KANSL1L: variants seen among roughly 807,000 people sequenced by gnomAD.
KANSL1L encodes KAT8 regulatory NSL complex subunit 1-like protein.
In KANSL1L, 25 loss-of-function variants were observed where a neutral mutation model predicts 108.6. The ratio of observed to expected loss-of-function variants is 0.23; its 90% CI spans 0.17 to 0.32. The LOEUF is 0.32. Ranked by LOEUF, KANSL1L falls within the 10% of genes least tolerant of loss-of-function variation. The pLI, the probability that KANSL1L is intolerant of heterozygous loss-of-function variation, is 1.00. For missense variants in KANSL1L, 1,137 were observed against 1,125.7 expected (o/e 1.01, Z -0.14); for synonymous variants, 405 against 395.1 (o/e 1.03, Z -0.30).
rs1451904582 is a variant in KANSL1L at position 210,044,606 on chromosome 2, G to C, written c.1756-502C>G. 6.6e-6 allele frequency among the ~76,000 whole-genome samples: 1 copy of C among 150,826 alleles called. No homozygotes were observed. Among genetic ancestry groups the C allele is most frequent in the Non-Finnish European group, 1.5e-5 (1 of 67,796 alleles). Reference sequence around the variant, plus strand: ...CAGGGTTTGTTTTTTTTTGGGGGGGGTATGGTTCTTTATCAGAATATATTC... The same window carrying C: ...CAGGGTTTGTTTTTTTTTGGGGGGGCTATGGTTCTTTATCAGAATATATTC... On this transcript the variant is annotated intron_variant, in intron 6 of 14. Coordinates refer to ENST00000281772, the MANE Select transcript of KANSL1L (RefSeq NM_152519.4). This position sits in a 1 kb window ranked among gnomAD's most constrained non-coding sequence, Gnocchi z 4.2.
At chr2:210,082,222 G>A (rs1313858715) in intron 5 of KANSL1L, among the ~76,000 whole-genome samples, 2 of 152,190 alleles carry the variant, frequency 1.3e-5, no homozygotes, top group African/African-American at 2.4e-5. Context: ...ATGAAATACT[G>A]TAATGCTGAT....
chr2:210,051,082 A>G (rs2094288055), intron 6 of KANSL1L, among the ~76,000 whole-genome samples: 1 of 152,128 alleles, frequency 6.6e-6, no homozygotes, highest in Non-Finnish European at 1.5e-5. Flanking sequence ...TGGCAGGAGG[A>G]TCACTTGAGC....
chr2:210,036,961 T>A (rs1168885971), intron 8 of KANSL1L, among the ~76,000 whole-genome samples: 1 of 151,452 alleles, frequency 6.6e-6, no homozygotes, highest in Non-Finnish European at 1.5e-5. Flanking sequence ...TTCACTATAT[T>A]TCCCAGGCTG....
chr2:210,029,127 AT>A lies in KANSL1L; in HGVS notation c.2272-159del, dbSNP rs1419978160. ...TAAAAAATGTTAAGAAAACCAAAAA[AT>A]AAAACATTTTTCTATCTTTTGTAAA... On this transcript the variant is annotated intron_variant, in intron 10 of 14. Transcript: ENST00000281772. 3 of 572,670 alleles carry A rather than the reference AT, an allele frequency of 5.2e-6. No individual in the cohort carries two copies. The East Asian group carries it at 9.9e-5, about 19-fold the overall frequency. The allele number at this position is 572,670 out of a possible 1,614,324, so 35.5% of individuals were successfully genotyped here.
intron 1 of KANSL1L, 51 bp from the exon 2 acceptor site, chr2:210,154,662 C>G: frequency 8.3e-7 from 1 of 1,203,156 alleles, no homozygotes; most frequent in South Asian, 2.8e-5. Flanking sequence ...AAATTTTATG[C>G]TTATACTTTT....
At chr2:210,063,486 A>T (rs933174251) in intron 6 of KANSL1L, among the ~76,000 whole-genome samples, 1 of 152,220 alleles carries the variant, frequency 6.6e-6, no homozygotes, top group Non-Finnish European at 1.5e-5. Context: ...AGCTGCAGAC[A>T]CTAGACGCCA....
chr2:210,096,758 TC>T, intron 5 of KANSL1L: 1 of 955,970 alleles, frequency 1.0e-6, no homozygotes, highest in Non-Finnish European at 1.2e-6. Context: ...ACATGTTTTA[TC>T]ACTGATATGA....
At chr2:210,050,493 T>C (rs1401865359) in intron 6 of KANSL1L, among the ~76,000 whole-genome samples, 2 of 152,058 alleles carry the variant, frequency 1.3e-5, no homozygotes, top group Admixed American at 1.3e-4. Context: ...CACTAGTCGT[T>C]AGATTGCTGA....
chr2:210,140,082 A>T (rs1340064737), intron 2 of KANSL1L, among the ~76,000 whole-genome samples: 1 of 152,100 alleles, frequency 6.6e-6, no homozygotes, highest in Non-Finnish European at 1.5e-5. Flanking sequence ...TACTTTGGAA[A>T]TCCTCCCTTT....
intron 10 of KANSL1L, 92 bp from the exon 11 acceptor site, chr2:210,029,061 C>G: frequency 1.9e-6 from 2 of 1,071,774 alleles, no homozygotes; most frequent in South Asian, 3.1e-5. Flanking sequence ...TGGCAGTACA[C>G]GTTACATAAT....
rs2093899583 is a variant in KANSL1L at position 210,024,030 on chromosome 2, T to TA, written c.2733+2dup. 6.4e-7 allele frequency: 1 copy of TA among 1,561,556 alleles called. No individual in the cohort carries two copies. The highest frequency in any genetic ancestry group is 1.9e-5 in the Admixed American group (1 of 51,396). ...GAAGTTTAATCATACATATTACACTTACCTTGGTTTCTTGACTTTGATTTA... is the reference window on the plus strand; with the variant it reads ...GAAGTTTAATCATACATATTACACTTAACCTTGGTTTCTTGACTTTGATTTA... On this transcript the variant is annotated splice_region_variant and intron_variant, in intron 14 of 14. Coordinates refer to ENST00000281772, the MANE Select transcript of KANSL1L (RefSeq NM_152519.4).
At chr2:210,126,150 G>A (rs1035071852) in intron 3 of KANSL1L, among the ~76,000 whole-genome samples, 9 of 152,086 alleles carry the variant, frequency 5.9e-5, no homozygotes, top group South Asian at 2.1e-4. Flanking sequence ...AGTCAGGTGC[G>A]TTTTTTATAC....
At chr2:210,070,488 C>A (rs933335734) in intron 6 of KANSL1L, among the ~76,000 whole-genome samples, 12 of 152,042 alleles carry the variant, frequency 7.9e-5, no homozygotes, top group Non-Finnish European at 1.2e-4. Flanking sequence ...CCTCGGCCTC[C>A]CAAAGTGCTG....
intron 8 of KANSL1L, among the ~76,000 whole-genome samples, chr2:210,033,590 C>T (rs1014234932): frequency 2.7e-4 from 41 of 152,148 alleles, no homozygotes; most frequent in African/African-American, 8.9e-4. Context: ...AGTGCAGTGG[C>T]GCGATCTCGG....
chr2:210,059,164 A>T (rs1486520172), intron 6 of KANSL1L, among the ~76,000 whole-genome samples: 3 of 149,414 alleles, frequency 2.0e-5, no homozygotes, highest in African/African-American at 7.4e-5. Context: ...AAAGATCTGG[A>T]GCCTAGGCTT....
intron 6 of KANSL1L, among the ~76,000 whole-genome samples, chr2:210,066,874 T>A (rs533900723): frequency 2.1e-4 from 32 of 152,360 alleles, no homozygotes; most frequent in African/African-American, 7.0e-4. Flanking sequence ...TCAGGTTGAC[T>A]AGGTGAATGG....
At chr2:210,128,960 G>T in intron 3 of KANSL1L, 71 bp downstream of exon 3, 2 of 1,190,764 alleles carry the variant, frequency 1.7e-6, no homozygotes, top group Non-Finnish European at 2.4e-6. Flanking sequence ...AATTATTTTT[G>T]TGATCAAATG....
intron 14 of KANSL1L, 78 bp downstream of exon 14, chr2:210,023,955 A>T (rs1007364035): frequency 4.0e-6 from 4 of 1,001,424 alleles, no homozygotes; most frequent in Non-Finnish European, 4.3e-6. Context: ...AATAAACTTA[A>T]TTTTTTTCAA....
At chr2:210,086,480 A>G (rs191622176) in intron 5 of KANSL1L, among the ~76,000 whole-genome samples, 136 of 138,484 alleles carry the variant, frequency 9.8e-4, no homozygotes, top group Non-Finnish European at 1.8e-3. Context: ...TACTGCCAAG[A>G]TTAATAAAGC....
Sources: gnomAD v4.1 joint callset for allele counts (sites outside exome capture counted in the v4.1 genomes callset) on GRCh38, gnomAD v4.1.1 for gene constraint, Gnocchi (gnomAD v3.1) non-coding constraint, MANE v1.5 for transcripts, NCBI Gene and HGNC (gene_info 2026-07-23, HGNC 2026-07-21) for gene names.